Variants in ABI1 observed in about 807,000 individuals in gnomAD.
The protein encoded by ABI1 is abl interactor 1.
Under a neutral mutation model 54.6 loss-of-function variants are expected in ABI1, and 14 were observed. The ratio of observed to expected loss-of-function variants is 0.26; its 90% CI spans 0.17 to 0.40. The LOEUF (loss-of-function observed/expected upper bound fraction) is 0.40, where lower values mean the gene tolerates loss of function less well. Ranked by LOEUF, ABI1 falls within the 10% of genes least tolerant of loss-of-function variation. ABI1 has a pLI of 1.00. For synonymous variants in ABI1, 194 were observed against 209.3 expected, an observed-to-expected ratio of 0.93 and a Z score of 0.63; for missense variants, 443 against 598.3, an observed-to-expected ratio of 0.74 and a Z score of 2.71.
At chr10:26,813,269 C>A (rs1432670072) in intron 2 of ABI1, among the ~76,000 whole-genome samples, 1 of 150,790 alleles carries the variant, frequency 6.6e-6, no homozygotes, top group East Asian at 2.0e-4. Context: ...AAAAAAAAAT[C>A]ATGAAACACC....
intron 1 of ABI1, among the ~76,000 whole-genome samples, chr10:26,849,341 C>T (rs1464989212): frequency 3.9e-5 from 6 of 152,050 alleles, no homozygotes; most frequent in Non-Finnish European, 5.9e-5. Context: ...TTAAAAAAGC[C>T]GGTTTCACTT....
chr10:26,850,566 G>A (rs906930091), intron 1 of ABI1, among the ~76,000 whole-genome samples: 2 of 151,750 alleles, frequency 1.3e-5, no homozygotes, highest in Middle Eastern at 3.4e-3. Context: ...GCTAAGGCAG[G>A]AGAATTGCCT....
chr10:26,790,105 G>A (rs1339469425), intron 2 of ABI1, among the ~76,000 whole-genome samples: 2 of 152,180 alleles, frequency 1.3e-5, no homozygotes, highest in African/African-American at 4.8e-5. Context: ...ATGTGCATGT[G>A]TCTTTATAAC....
intron 1 of ABI1, among the ~76,000 whole-genome samples, chr10:26,840,359 G>A (rs899832676): frequency 2.0e-5 from 3 of 152,204 alleles, no homozygotes; most frequent in Admixed American, 6.5e-5. Flanking sequence ...GCACTCATCA[G>A]AAGCAGATGT....
intron 2 of ABI1, among the ~76,000 whole-genome samples, chr10:26,791,874 A>G (rs547768936): frequency 6.6e-6 from 1 of 152,334 alleles, no homozygotes; most frequent in African/African-American, 2.4e-5. Flanking sequence ...ATGCAAATAA[A>G]TGGCATATTT....
At chr10:26,832,894 AG>A (rs974900579) in intron 1 of ABI1, among the ~76,000 whole-genome samples, 141 of 152,328 alleles carry the variant, frequency 9.3e-4, no homozygotes, top group African/African-American at 3.0e-3. Context: ...CATGGGGACT[AG>A]GGCATACATA....
At chr10:26,823,434 T>C (rs547309819) in intron 1 of ABI1, 129 bp from the exon 2 acceptor site, 113 of 769,922 alleles carry the variant, frequency 1.5e-4, no homozygotes, top group Non-Finnish European at 1.8e-4. Context: ...TGTACCAATA[T>C]GATAGTCTCA....
At chr10:26,787,404 C>T (rs1348006941) in intron 2 of ABI1, among the ~76,000 whole-genome samples, 2 of 152,152 alleles carry the variant, frequency 1.3e-5, no homozygotes, top group Non-Finnish European at 2.9e-5. Flanking sequence ...TTAAAATCAT[C>T]CTTTTTTCAC....
chr10:26,807,603 G>A (rs919164454), intron 2 of ABI1, among the ~76,000 whole-genome samples: 6 of 152,080 alleles, frequency 3.9e-5, no homozygotes, highest in African/African-American at 1.2e-4. Flanking sequence ...CATGCAGTTC[G>A]CTCCACACAC....
intron 2 of ABI1, among the ~76,000 whole-genome samples, chr10:26,808,471 C>T (rs1187056760): frequency 6.6e-6 from 1 of 152,100 alleles, no homozygotes; most frequent in Non-Finnish European, 1.5e-5. Context: ...AACTGGGTCC[C>T]AGCACTTTGG....
At chr10:26,831,813 T>C (rs1046352794) in intron 1 of ABI1, among the ~76,000 whole-genome samples, 4 of 152,340 alleles carry the variant, frequency 2.6e-5, no homozygotes, top group African/African-American at 9.6e-5. Flanking sequence ...AAGAATACTA[T>C]ATATTAATAG....
intron 5 of ABI1, among the ~76,000 whole-genome samples, chr10:26,769,408 G>A (rs1049315068): frequency 5.9e-5 from 9 of 151,978 alleles, no homozygotes; most frequent in Non-Finnish European, 2.9e-5. Flanking sequence ...GGCAATAAAT[G>A]GAGATATACA....
At chr10:26,849,269 C>T (rs983953076) in intron 1 of ABI1, among the ~76,000 whole-genome samples, 16 of 151,716 alleles carry the variant, frequency 1.1e-4, no homozygotes, top group African/African-American at 3.4e-4. Flanking sequence ...ATGTCACAGA[C>T]GATACTAGTA....
intron 2 of ABI1, among the ~76,000 whole-genome samples, chr10:26,804,644 A>G (rs974433472): frequency 2.6e-5 from 4 of 152,228 alleles, no homozygotes; most frequent in African/African-American, 9.6e-5. Context: ...CACTATGTAA[A>G]GGTAAATGCT....
chr10:26,829,963 C>G (rs1311467371), intron 1 of ABI1, among the ~76,000 whole-genome samples: 1 of 152,100 alleles, frequency 6.6e-6, no homozygotes, highest in Non-Finnish European at 1.5e-5. Flanking sequence ...CCTCATAACT[C>G]CCTCCCCATC....
chr10:26,841,652 T>A (rs1254430263), intron 1 of ABI1, among the ~76,000 whole-genome samples: 3 of 147,346 alleles, frequency 2.0e-5, no homozygotes, highest in Admixed American at 2.0e-4. Context: ...GACTCTTTTT[T>A]TTTATTTTTT....
chr10:26,836,613 C>T (rs919477330), intron 1 of ABI1, among the ~76,000 whole-genome samples: 14 of 152,108 alleles, frequency 9.2e-5, no homozygotes, highest in African/African-American at 1.4e-4. Flanking sequence ...ACAATAGCCG[C>T]GTAACATTTC....
intron 1 of ABI1, among the ~76,000 whole-genome samples, chr10:26,851,288 T>G (rs539199703): frequency 6.7e-6 from 1 of 150,128 alleles, no homozygotes; most frequent in South Asian, 2.1e-4. Flanking sequence ...CTCAAACTCC[T>G]GGGCTCAAGT....
chr10:26,803,599 G>C (rs1489334555), intron 2 of ABI1, among the ~76,000 whole-genome samples: 1 of 152,170 alleles, frequency 6.6e-6, no homozygotes, highest in Non-Finnish European at 1.5e-5. Flanking sequence ...AGGCAAAAAT[G>C]TTTAGTGATC....
Sources: allele counts gnomAD v4.1 joint callset (sites outside exome capture counted in the v4.1 genomes callset), GRCh38; gene constraint gnomAD v4.1.1; transcripts MANE v1.5; gene names NCBI Gene and HGNC (gene_info 2026-07-23, HGNC 2026-07-21).